Variants in ZER1 observed in about 807,000 individuals in gnomAD.
ZER1 encodes the protein protein zer-1 homolog.
Under a neutral mutation model 78.8 loss-of-function variants are expected in ZER1, and 11 were observed. The ratio of observed to expected loss-of-function variants is 0.14; its 90% CI spans 0.09 to 0.23. ZER1 has a LOEUF of 0.23. Among genes scored for constraint, ZER1 ranks in the 10% least tolerant of loss-of-function variants. The pLI, the probability that ZER1 is intolerant of heterozygous loss-of-function variation, is 1.00. For missense variants in ZER1, 588 were observed against 996.9 expected, an observed-to-expected ratio of 0.59 and a Z score of 5.52; for synonymous variants, 400 against 407.0, an observed-to-expected ratio of 0.98 and a Z score of 0.21.
rs1863790515 is a variant in ZER1, at chr9:128,754,417, G to C, written c.159-458C>G. ...CTCATGCAAGAATCCTGGTCTGCTGGGAAATGCTTTGGATTCAAACGCTTT... is the reference window on the plus strand; with the variant it reads ...CTCATGCAAGAATCCTGGTCTGCTGCGAAATGCTTTGGATTCAAACGCTTT... On this transcript the variant is annotated intron_variant, in intron 2 of 15. Transcript: ENST00000291900. The surrounding 1 kb of genome is among the most constrained non-coding windows in gnomAD (Gnocchi z 4.3). Among the ~76,000 whole-genome samples, 1 of 152,172 alleles carries C rather than the reference G, an allele frequency of 6.6e-6. No individual in the cohort carries two copies. The highest frequency in any genetic ancestry group is 1.5e-5 in the Non-Finnish European group (1 of 68,028).
At chr9:128,744,223 T>A (rs780818606) in intron 8 of ZER1, among the ~76,000 whole-genome samples, 5 of 151,590 alleles carry the variant, frequency 3.3e-5, no homozygotes, top group Non-Finnish European at 7.4e-5. Flanking sequence ...AGTCTCGCTC[T>A]GTTGCCAAGC....
rs1862803921 is a variant in ZER1, at chr9:128,731,190, A to C, written c.*147T>G. 1.9e-6 allele frequency: 1 copy of C among 513,354 alleles called. No individual in the cohort carries two copies. The highest frequency in any genetic ancestry group is 1.9e-5 in the African/African-American group (1 of 51,436). 31.8% of individuals were successfully genotyped at this position (513,354 alleles called of 1,614,324 possible). On this transcript the variant is annotated 3_prime_UTR_variant, in exon 16 of 16. Coordinates refer to ENST00000291900, the MANE Select transcript of ZER1 (RefSeq NM_006336.4). Reference sequence around the variant, plus strand: ...ATATATATATATCTCACTAACATTAAGGAAAAGCGTCGGTTGTGCAAAAGT... The same window carrying C: ...ATATATATATATCTCACTAACATTACGGAAAAGCGTCGGTTGTGCAAAAGT...
intron 9 of ZER1, 52 bp from the exon 10 acceptor site, chr9:128,741,893 C>G: frequency 2.5e-6 from 4 of 1,612,510 alleles, no homozygotes; most frequent in Non-Finnish European, 1.7e-6. Flanking sequence ...AGAACTCCCA[C>G]CCCCACGAAC....
chr9:128,739,764 T>C (rs990620448), intron 13 of ZER1, among the ~76,000 whole-genome samples, 167 bp downstream of exon 13: 1 of 152,124 alleles, frequency 6.6e-6, no homozygotes, highest in Non-Finnish European at 1.5e-5. Flanking sequence ...CGTGCCCTTA[T>C]GTATGCTCTG....
intron 5 of ZER1, 48 bp downstream of exon 5, chr9:128,752,625 G>A (rs1195579565): frequency 3.8e-6 from 6 of 1,561,506 alleles, no homozygotes; most frequent in Non-Finnish European, 5.2e-6. Context: ...CAGCCTAAAT[G>A]CCTGTTGAAT....
intron 11 of ZER1, 27 bp downstream of exon 11, chr9:128,741,508 G>A: frequency 6.2e-7 from 1 of 1,613,920 alleles, no homozygotes; most frequent in Non-Finnish European, 8.5e-7. Flanking sequence ...AGCTGAGGCA[G>A]CTGCTGCTGC....
At chr9:128,733,309 C>T (rs1418123752) in intron 15 of ZER1, 117 bp downstream of exon 15, 13 of 801,008 alleles carry the variant, frequency 1.6e-5, no homozygotes, top group East Asian at 2.7e-5. Flanking sequence ...AACCTCCATA[C>T]TCAACTCTAA....
chr9:128,763,998 A>G (rs1397325724), intron 1 of ZER1, among the ~76,000 whole-genome samples: 2 of 151,798 alleles, frequency 1.3e-5, no homozygotes, highest in Admixed American at 6.6e-5. Flanking sequence ...AAAAAAAAAA[A>G]GAAGTGACAT....
chr9:128,743,586 G>A lies in ZER1; in HGVS notation c.1360-841C>T, dbSNP rs550718443. Among the ~76,000 whole-genome samples the A allele has an allele frequency of 6.6e-5, 10 of 151,452 alleles. No individual in the cohort carries two copies. The East Asian group carries it at 1.4e-3, about 21-fold the overall frequency. Reference sequence around the variant, plus strand: ...ACAGCTGTGTGCCACCATATGCGCAGCTATTTTGTTTTTTGTAGAGATGGG... The same window carrying A: ...ACAGCTGTGTGCCACCATATGCGCAACTATTTTGTTTTTTGTAGAGATGGG... On this transcript the variant is annotated intron_variant, in intron 8 of 15. Transcript: ENST00000291900.
intron 1 of ZER1, among the ~76,000 whole-genome samples, chr9:128,765,632 A>G (rs2132487575): frequency 6.6e-6 from 1 of 152,304 alleles, no homozygotes; most frequent in South Asian, 2.1e-4. Flanking sequence ...AGAAGCTCTG[A>G]GCCTTGGAGC....
chr9:128,733,754 T>G (rs1322407173), intron 14 of ZER1, among the ~76,000 whole-genome samples: 2 of 150,286 alleles, frequency 1.3e-5, no homozygotes, highest in Non-Finnish European at 3.0e-5. Flanking sequence ...GGTTTGAAGT[T>G]GCTGCATTTA....
At chr9:128,731,437 T>TGGGGGGTGTTGGGGGGGGGGGGTTGGGGG in intron 15 of ZER1, 43 bp from the exon 16 acceptor site, 1 of 451,618 alleles carries the variant, frequency 2.2e-6, no homozygotes, top group Non-Finnish European at 4.3e-6. Flanking sequence ...TGGGCTTGGG[T>TGGGGGGTGTTGGGGGGGGGGGGTTGGGGG]GGGGGTGAGC....
In ZER1 at chr9:128,755,609, G is replaced by A. The variant is rs773060256; in HGVS notation, c.-44C>T. 1 of 1,591,636 alleles carries A rather than the reference G, an allele frequency of 6.3e-7. No homozygotes were observed. The highest frequency in any genetic ancestry group is 1.1e-5 in the South Asian group (1 of 90,496). ...GGCCACTCCAGGACAAGGATCCCCA[G>A]GGGCAACAGTGATTCCTGAATACTC... On this transcript the variant is annotated 5_prime_UTR_variant, in exon 2 of 16. Transcript: ENST00000291900. The surrounding 1 kb of genome is among the most constrained non-coding windows in gnomAD (Gnocchi z 5.6).
rs1863806011 is a variant in ZER1, at chr9:128,754,883, G to A, written c.158+525C>T. On this transcript the variant is annotated intron_variant, in intron 2 of 15. Transcript: ENST00000291900. The surrounding 1 kb of genome is among the most constrained non-coding windows in gnomAD (Gnocchi z 4.3). ...CAGTGACTGCATAGCATGCTTCTAG[G>A]AGCCCCTAGGAGTGGGGAGGCCCTC... Among the ~76,000 whole-genome samples the A allele has an allele frequency of 6.6e-6, 1 of 152,110 alleles. No homozygotes were observed. Among genetic ancestry groups the A allele is most frequent in the South Asian group, 2.1e-4 (1 of 4,826 alleles).
rs1354725602 is a variant in ZER1 at position 128,733,498 on chromosome 9, T to A, written c.2171A>T (p.Glu724Val). The A allele has an allele frequency of 6.2e-7, 1 of 1,613,626 alleles. No homozygotes were observed. The highest frequency in any genetic ancestry group is 8.5e-7 in the Non-Finnish European group (1 of 1,179,890). Residue 724 changes from glutamate (E) to valine (V), a missense_variant, in exon 15 of 16, where the codon GAA becomes GTA. Glu to Val is a moderately radical substitution (Grantham distance 121). Transcript: ENST00000291900. The stretch of plus-strand genomic sequence containing the variant: ...GTCCCTCAGAAGGGGCATCCCCCCT[T>A]CTTTGATCAGCAGAGGGCAGTACTT... ...PDKYCPLLIK[E>V]GGMPLLRDII...
Position 128,742,542 on chromosome 9 carries a change from C to T in ZER1, c.1563G>A (p.Met521Ile), listed in dbSNP as rs1397063336. The change falls in exon 9 of 16, where the codon ATG (methionine) becomes ATA (isoleucine). Residue 521 changes from methionine to isoleucine, a missense_variant. Physicochemically the swap from Met to Ile is conservative, Grantham distance 10. Coordinates refer to ENST00000291900, the MANE Select transcript of ZER1 (RefSeq NM_006336.4). ...CCCCCACACGTACCACGACAAAGCC[C>T]ATCTTGCCCACGGCCTCCTTGTGGT... ...DNDHKEAVGK[M>I]GFVVTMLKLI... The T allele has an allele frequency of 2.5e-6, 4 of 1,614,002 alleles. No homozygotes were observed.
intron 1 of ZER1, among the ~76,000 whole-genome samples, chr9:128,758,279 C>T (rs1435258195): frequency 6.6e-6 from 1 of 151,754 alleles, no homozygotes; most frequent in Non-Finnish European, 1.5e-5. Flanking sequence ...GCCATCACGC[C>T]GGGCTAATTT....
Position 128,751,786 on chromosome 9 carries a change from C to A in ZER1, c.924-259G>T, listed in dbSNP as rs919684422. ...ACCTGCCATTCTAGTAAGGACATGG[C>A]ACCTTTAGGTCTCACCAACAATCAC... is the stretch of plus-strand genomic sequence containing the variant. On this transcript the variant is annotated intron_variant, in intron 5 of 15. Transcript: ENST00000291900. This position sits in a 1 kb window ranked among gnomAD's most constrained non-coding sequence, Gnocchi z 5.4. 1.3e-5 allele frequency among the ~76,000 whole-genome samples: 2 copies of A among 152,220 alleles called. No individual in the cohort carries two copies. Among genetic ancestry groups the A allele is most frequent in the African/African-American group, 4.8e-5 (2 of 41,460 alleles).
Position 128,755,293 on chromosome 9 carries a change from A to G in ZER1, c.158+115T>C. The G allele has an allele frequency of 7.1e-7, 1 of 1,415,572 alleles. No homozygotes were observed. Among genetic ancestry groups the G allele is most frequent in the Non-Finnish European group, 9.8e-7 (1 of 1,020,636 alleles). The allele number at this position is 1,415,572 out of a possible 1,614,324, so 87.7% of individuals were successfully genotyped here. On this transcript the variant is annotated intron_variant, in intron 2 of 15. Transcript: ENST00000291900. This position sits in a 1 kb window ranked among gnomAD's most constrained non-coding sequence, Gnocchi z 5.6. ...TGAACATCCATGTGCACACACACAC[A>G]CCCTCACACATTCATCTCCATAGCT...
Sources: allele counts gnomAD v4.1 joint callset (sites outside exome capture counted in the v4.1 genomes callset), GRCh38; gene constraint gnomAD v4.1.1; non-coding constraint Gnocchi (gnomAD v3.1); transcripts MANE v1.5; gene names NCBI Gene and HGNC (gene_info 2026-07-23, HGNC 2026-07-21).